The following APBB2 variants were observed in gnomAD, a reference collection of about 807,000 sequenced individuals.
The protein encoded by APBB2 is amyloid beta precursor protein binding family B member 2.
A neutral mutation model predicts 82.5 loss-of-function variants in APBB2; 38 were observed. That is an observed-to-expected ratio of 0.46 (90% CI 0.36 to 0.60). The LOEUF is 0.60. APBB2 is among the 20% of genes least tolerant of loss of function. APBB2 has a pLI of 0.00. For missense variants in APBB2, 772 were observed against 972.3 expected, an observed-to-expected ratio of 0.79 and a Z score of 2.74; for synonymous variants, 341 against 368.2, an observed-to-expected ratio of 0.93 and a Z score of 0.85.
intron 1 of APBB2, among the ~76,000 whole-genome samples, chr4:41,150,697 T>A (rs1334249360): frequency 1.3e-5 from 2 of 152,200 alleles, no homozygotes; most frequent in African/African-American, 4.8e-5. Context: ...ATATGCCTTA[T>A]CCTGAAAGAA....
chr4:40,855,032 T>C (rs1034132211), intron 12 of APBB2, among the ~76,000 whole-genome samples: 4 of 152,220 alleles, frequency 2.6e-5, no homozygotes, highest in African/African-American at 9.6e-5. Context: ...TGACCGACTT[T>C]AGTGCCCAAT....
intron 6 of APBB2, among the ~76,000 whole-genome samples, chr4:40,972,297 G>A (rs1044175563): frequency 2.0e-5 from 3 of 151,856 alleles, no homozygotes; most frequent in African/African-American, 4.8e-5. Flanking sequence ...GCGTGGTGGC[G>A]GGCGCCTGTA....
chr4:40,827,343 G>A (rs1444918191), intron 13 of APBB2, 124 bp from the exon 14 acceptor site: 1 of 721,150 alleles, frequency 1.4e-6, no homozygotes, highest in Middle Eastern at 2.7e-4. Context: ...TCTATTGCCT[G>A]AAGTCCCACC....
chr4:40,852,722 C>T (rs948907759), intron 12 of APBB2, among the ~76,000 whole-genome samples: 3 of 152,036 alleles, frequency 2.0e-5, no homozygotes, highest in Non-Finnish European at 4.4e-5. Context: ...CTCACTGCAA[C>T]CTCCATCTCC....
chr4:41,159,979 A>G lies in APBB2; in HGVS notation c.-416-16837T>C, dbSNP rs556692088. On this transcript the variant is annotated intron_variant, in intron 1 of 17. Coordinates refer to ENST00000508593, the MANE Select transcript of APBB2 (RefSeq NM_004307.2). ...GGAGAAGGAGAAGAAGAAGAAGAAG[A>G]AGAAGAAGAAGAAGAAGAAGAAGAA... Among the ~76,000 whole-genome samples, 189 of 124,572 alleles carry G rather than the reference A, an allele frequency of 1.5e-3. 3 individuals are homozygous for G. The highest frequency in any genetic ancestry group is 3.8e-3 in the Middle Eastern group (1 of 260). 81.7% of individuals were successfully genotyped at this position (124,572 alleles called of 152,430 possible).
chr4:41,030,627 G>A (rs1716382800), intron 5 of APBB2, among the ~76,000 whole-genome samples: 1 of 152,150 alleles, frequency 6.6e-6, no homozygotes, highest in South Asian at 2.1e-4. Context: ...GACTTTCAAA[G>A]ATAATTTTTT....
intron 17 of APBB2, among the ~76,000 whole-genome samples, chr4:40,817,594 T>G (rs1746220969): frequency 6.6e-6 from 1 of 151,964 alleles, no homozygotes; most frequent in African/African-American, 2.4e-5. Flanking sequence ...CCTGAATATG[T>G]AGGATTTTGG....
chr4:40,907,929 A>G lies in APBB2; in HGVS notation c.1255-14518T>C, dbSNP rs976357881. ...AGCCATTTGCTCACCTTGGCCTCCCAAAGTGCTGGGATTACAGGCGTGAGC... is the reference window on the plus strand; with the variant it reads ...AGCCATTTGCTCACCTTGGCCTCCCGAAGTGCTGGGATTACAGGCGTGAGC... On this transcript the variant is annotated intron_variant, in intron 10 of 17. Coordinates refer to ENST00000508593, the MANE Select transcript of APBB2 (RefSeq NM_004307.2). Among the ~76,000 whole-genome samples, 7 of 151,742 alleles carry G rather than the reference A, an allele frequency of 4.6e-5. 1 individual carries two copies. The highest frequency in any genetic ancestry group is 1.3e-4 in the Admixed American group (2 of 15,228).
At chr4:41,075,879 A>G (rs1388817970) in intron 3 of APBB2, among the ~76,000 whole-genome samples, 1 of 152,224 alleles carries the variant, frequency 6.6e-6, no homozygotes, top group Non-Finnish European at 1.5e-5. Context: ...AAAACTGAAA[A>G]GTATAGAGTG....
At chr4:41,194,128 C>T in intron 1 of APBB2, 1 of 148,696 alleles carries the variant, frequency 6.7e-6, no homozygotes, top group Non-Finnish European at 1.5e-5. Context: ...TTCTGGGCAA[C>T]ACAGTGAGAC....
intron 4 of APBB2, among the ~76,000 whole-genome samples, chr4:41,056,817 GCTA>G (rs924067477): frequency 6.6e-6 from 1 of 152,154 alleles, no homozygotes; most frequent in African/African-American, 2.4e-5. Context: ...AAAACAAAAA[GCTA>G]CTATCTCTTG....
chr4:41,003,559 C>T (rs1392128735), intron 6 of APBB2, among the ~76,000 whole-genome samples: 1 of 152,118 alleles, frequency 6.6e-6, no homozygotes, highest in Non-Finnish European at 1.5e-5. Context: ...AATCAAATGA[C>T]TTGTGTCCCT....
At chr4:41,070,688 G>T (rs572271121) in intron 3 of APBB2, among the ~76,000 whole-genome samples, 1 of 152,080 alleles carries the variant, frequency 6.6e-6, no homozygotes, top group East Asian at 1.9e-4. Context: ...GTGAGGAATA[G>T]TTTTTTTTAT....
chr4:40,831,169 G>C (rs537021660), intron 12 of APBB2, among the ~76,000 whole-genome samples: 1 of 152,320 alleles, frequency 6.6e-6, no homozygotes, highest in Admixed American at 6.5e-5. Flanking sequence ...AGGCCGAGGT[G>C]GGCGGATCAC....
chr4:40,910,405 A>G (rs1254022737), intron 10 of APBB2, among the ~76,000 whole-genome samples: 1 of 151,546 alleles, frequency 6.6e-6, no homozygotes, highest in East Asian at 1.9e-4. Flanking sequence ...TACCCGGCTA[A>G]TTTTTTCTTT....
chr4:41,049,542 C>T (rs1466027437), intron 4 of APBB2, among the ~76,000 whole-genome samples: 1 of 145,810 alleles, frequency 6.9e-6, no homozygotes, highest in Non-Finnish European at 1.5e-5. Flanking sequence ...GCCGCCCCGT[C>T]CGGGAGGGAG....
chr4:41,152,468 G>A lies in APBB2; in HGVS notation c.-416-9326C>T, dbSNP rs146058692. On this transcript the variant is annotated intron_variant, in intron 1 of 17. Coordinates refer to ENST00000508593, the MANE Select transcript of APBB2 (RefSeq NM_004307.2). ...CTCCCGAGTAGCTGGGACTACAGGC[G>A]CCCACCACCAACCATGTCCGGCTAA... 6.6e-3 allele frequency among the ~76,000 whole-genome samples: 1,006 copies of A among 151,890 alleles called. 13 individuals are homozygous for A. The highest frequency in any genetic ancestry group is 0.029 in the South Asian group (138 of 4,812).
intron 12 of APBB2, among the ~76,000 whole-genome samples, chr4:40,872,252 C>T (rs756193166): frequency 6.6e-6 from 1 of 152,228 alleles, no homozygotes; most frequent in Non-Finnish European, 1.5e-5. Flanking sequence ...CTTCAGCCAA[C>T]CCACCATGGA....
At chr4:41,114,607 A>G (rs1035597590) in intron 2 of APBB2, among the ~76,000 whole-genome samples, 1 of 152,246 alleles carries the variant, frequency 6.6e-6, no homozygotes, top group Non-Finnish European at 1.5e-5. Context: ...TTAAGCTGAT[A>G]AGCAACTTCC....
Sources: gnomAD v4.1 joint callset for allele counts (sites outside exome capture counted in the v4.1 genomes callset) on GRCh38, gnomAD v4.1.1 for gene constraint, MANE v1.5 for transcripts, NCBI Gene and HGNC (gene_info 2026-07-23, HGNC 2026-07-21) for gene names.